The following GAREM1 variants were observed in gnomAD, a reference collection of about 807,000 sequenced individuals.
The protein encoded by GAREM1 is GRB2-associated and regulator of MAPK protein 1.
A neutral mutation model predicts 71.3 loss-of-function variants in GAREM1; 26 were observed. That is an observed-to-expected ratio of 0.36 (90% CI 0.27 to 0.51). The LOEUF (loss-of-function observed/expected upper bound fraction) is 0.51, where lower values mean the gene tolerates loss of function less well. GAREM1 is among the 20% of genes least tolerant of loss of function. The pLI, the probability that GAREM1 is intolerant of heterozygous loss-of-function variation, is 0.95. For missense variants in GAREM1, 1,026 were observed against 1,103.1 expected, an observed-to-expected ratio of 0.93 and a Z score of 0.99; for synonymous variants, 440 against 433.2, an observed-to-expected ratio of 1.02 and a Z score of -0.20.
intron 2 of GAREM1, among the ~76,000 whole-genome samples, chr18:32,362,527 A>G (rs2047875414): frequency 6.6e-6 from 1 of 152,228 alleles, no homozygotes; most frequent in Non-Finnish European, 1.5e-5. Flanking sequence ...AAGGCAAATT[A>G]CAGAAAAGAG....
intron 2 of GAREM1, among the ~76,000 whole-genome samples, chr18:32,387,023 CTT>C (rs11346918): frequency 5.7e-5 from 8 of 140,464 alleles, no homozygotes; most frequent in Non-Finnish European, 7.6e-5. Flanking sequence ...GGTTTATATT[CTT>C]TTTTTTTTTA....
chr18:32,413,271 T>C, intron 1 of GAREM1: 3 of 1,466,708 alleles, frequency 2.0e-6, no homozygotes, highest in Non-Finnish European at 2.8e-6. Flanking sequence ...ATTTGACAGT[T>C]TGGGGGAGTC....
intron 1 of GAREM1, among the ~76,000 whole-genome samples, chr18:32,424,092 T>C (rs891358529): frequency 6.6e-6 from 1 of 151,684 alleles, no homozygotes; most frequent in Non-Finnish European, 1.5e-5. Context: ...ACTGAGATCA[T>C]GCTGCTGCGA....
chr18:32,327,133 A>G (rs1314345849), intron 2 of GAREM1, among the ~76,000 whole-genome samples: 1 of 152,246 alleles, frequency 6.6e-6, no homozygotes, highest in Non-Finnish European at 1.5e-5. Context: ...CTGATATTGT[A>G]CAAAGGGGAT....
chr18:32,368,352 T>C (rs533733479), intron 2 of GAREM1, among the ~76,000 whole-genome samples: 38 of 152,344 alleles, frequency 2.5e-4, no homozygotes, highest in Non-Finnish European at 4.6e-4. Flanking sequence ...TGAGGAGCCA[T>C]TGATCAGCAC....
At chr18:32,433,472 T>C (rs2048643918) in intron 1 of GAREM1, among the ~76,000 whole-genome samples, 1 of 151,406 alleles carries the variant, frequency 6.6e-6, no homozygotes, top group Non-Finnish European at 1.5e-5. Flanking sequence ...ATTAAAAACA[T>C]ATAATTAAAA....
rs192244136 is a variant in GAREM1 at position 32,428,387 on chromosome 18, G to T, written c.122-35352C>A. Among the ~76,000 whole-genome samples, 571 of 152,224 alleles carry T rather than the reference G, an allele frequency of 3.8e-3. 4 individuals carry two copies. The highest frequency in any genetic ancestry group is 0.013 in the African/African-American group (550 of 41,544). ...CCAGTGTTGGAGGTGGGGCCTGGTG[G>T]GAGGTGACTGGATGATGGGGGTGGT... On this transcript the variant is annotated intron_variant, in intron 1 of 5. Transcript: ENST00000269209.
At chr18:32,365,564 A>C (rs1342168862) in intron 2 of GAREM1, among the ~76,000 whole-genome samples, 1 of 152,182 alleles carries the variant, frequency 6.6e-6, no homozygotes, top group Non-Finnish European at 1.5e-5. Context: ...GAAGTAGAAA[A>C]GAGGAGGAAG....
chr18:32,312,704 T>A (rs2047336376), intron 2 of GAREM1, among the ~76,000 whole-genome samples: 2 of 152,224 alleles, frequency 1.3e-5, no homozygotes, highest in South Asian at 4.1e-4. Flanking sequence ...GAAACAAGCA[T>A]GCTTGCATGC....
At chr18:32,269,382 G>A (rs939847561) in intron 5 of GAREM1, among the ~76,000 whole-genome samples, 19 of 152,192 alleles carry the variant, frequency 1.2e-4, no homozygotes, top group Admixed American at 5.9e-4. Flanking sequence ...AGCACATGTG[G>A]AGCGGTAGCT....
intron 4 of GAREM1, among the ~76,000 whole-genome samples, chr18:32,272,596 C>T (rs1438321008): frequency 1.9e-4 from 29 of 151,168 alleles, no homozygotes; most frequent in Admixed American, 1.8e-3. Context: ...GCTGGGCTGG[C>T]CCAGGAAAGA....
intron 2 of GAREM1, among the ~76,000 whole-genome samples, chr18:32,380,759 C>T (rs1256922149): frequency 6.6e-6 from 1 of 151,974 alleles, no homozygotes; most frequent in African/African-American, 2.4e-5. Flanking sequence ...ATTGTGACCA[C>T]CAAAAATGTC....
chr18:32,397,557 G>A (rs2048269886), intron 1 of GAREM1, among the ~76,000 whole-genome samples: 1 of 152,100 alleles, frequency 6.6e-6, no homozygotes, highest in South Asian at 2.1e-4. Flanking sequence ...AGACAAAGAA[G>A]GCCATTACAT....
intron 2 of GAREM1, among the ~76,000 whole-genome samples, chr18:32,318,568 T>A (rs1232715187): frequency 1.3e-5 from 2 of 152,188 alleles, no homozygotes; most frequent in African/African-American, 4.8e-5. Context: ...CTGTCCAGTT[T>A]GCTTCTGGTT....
intron 2 of GAREM1, among the ~76,000 whole-genome samples, chr18:32,341,726 G>C (rs2047649640): frequency 6.6e-6 from 1 of 152,202 alleles, no homozygotes; most frequent in Non-Finnish European, 1.5e-5. Context: ...CCCAAGTGGA[G>C]AATGGGGTGG....
chr18:32,414,510 T>C (rs1317088380), intron 1 of GAREM1, among the ~76,000 whole-genome samples: 1 of 151,716 alleles, frequency 6.6e-6, no homozygotes, highest in African/African-American at 2.4e-5. Context: ...TGAAATAATA[T>C]CAAGCACCTT....
At chr18:32,297,040 T>C (rs1490862873) in intron 3 of GAREM1, among the ~76,000 whole-genome samples, 1 of 152,216 alleles carries the variant, frequency 6.6e-6, no homozygotes, top group African/African-American at 2.4e-5. Context: ...TAAAGTTTTA[T>C]TGGGACACTG....
intron 1 of GAREM1, among the ~76,000 whole-genome samples, chr18:32,416,797 CA>C (rs1249502417): frequency 6.6e-6 from 1 of 152,054 alleles, no homozygotes; most frequent in Non-Finnish European, 1.5e-5. Context: ...GGAAAGTCTC[CA>C]GGACACTGGA....
At chr18:32,348,189 T>C (rs1330342315) in intron 2 of GAREM1, among the ~76,000 whole-genome samples, 1 of 152,214 alleles carries the variant, frequency 6.6e-6, no homozygotes, top group Non-Finnish European at 1.5e-5. Context: ...TTTGAGTTTA[T>C]GAATTGGAAT....
Sources: allele counts gnomAD v4.1 joint callset (sites outside exome capture counted in the v4.1 genomes callset), GRCh38; gene constraint gnomAD v4.1.1; transcripts MANE v1.5; gene names NCBI Gene and HGNC (gene_info 2026-07-23, HGNC 2026-07-21).